The following TSC2 variants were observed in gnomAD, a reference collection of about 807,000 sequenced individuals.
The protein encoded by TSC2 is TSC complex subunit 2, also known as tuberin.
Under a neutral mutation model 202.2 loss-of-function variants are expected in TSC2, and 29 were observed. That is an observed-to-expected ratio of 0.14 (90% CI 0.11 to 0.20). The LOEUF (loss-of-function observed/expected upper bound fraction) is 0.20. TSC2 is among the 10% of genes least tolerant of loss of function. TSC2 has a pLI of 1.00. For synonymous variants in TSC2, 1,349 were observed against 1,044.0 expected (o/e 1.29, Z -5.63); for missense variants, 2,429 against 2,420.0 (o/e 1.00, Z -0.08).
chr16:2,050,249 G>A (rs970799259), intron 2 of TSC2, 151 bp from the exon 3 acceptor site: 15 of 794,140 alleles, frequency 1.9e-5, no homozygotes, highest in Non-Finnish European at 3.0e-5. Context: ...GAGCCACCGC[G>A]GCTCGTCAAG....
chr16:2,062,647 G>T (rs1294854882), intron 13 of TSC2, 47 bp downstream of exon 13: 3 of 1,551,328 alleles, frequency 1.9e-6, no homozygotes, highest in Admixed American at 1.9e-5. Context: ...GCCTGGCCCT[G>T]TCTCTGTCTG....
intron 14 of TSC2, 23 bp from the exon 15 acceptor site, chr16:2,064,249 T>G: frequency 6.2e-7 from 1 of 1,613,858 alleles, no homozygotes; most frequent in Non-Finnish European, 8.5e-7. Context: ...TGGCGCTCAT[T>G]GGCCTCCCTT....
intron 35 of TSC2, 36 bp downstream of exon 35, chr16:2,085,062 CTG>C (rs748863360): frequency 1.2e-6 from 2 of 1,608,432 alleles, no homozygotes; most frequent in South Asian, 2.2e-5. Flanking sequence ...TCCGCTGGAG[CTG>C]TGTGGCTCGG....
chr16:2,078,460 C>T (rs756737310), intron 26 of TSC2: 20 of 176,824 alleles, frequency 1.1e-4, no homozygotes, highest in Admixed American at 6.0e-4. Flanking sequence ...TAGAGGTGCT[C>T]GGTGAGGCTT....
At chr16:2,078,428 A>C (rs2089695819) in intron 26 of TSC2, 1 of 168,100 alleles carries the variant, frequency 5.9e-6, no homozygotes, top group Admixed American at 5.7e-5. Flanking sequence ...GCTGGGTGGG[A>C]CTTGGCCAGG....
intron 16 of TSC2, among the ~76,000 whole-genome samples, chr16:2,068,347 A>C (rs2087695219): frequency 6.6e-6 from 1 of 151,954 alleles, no homozygotes; most frequent in Non-Finnish European, 1.5e-5. Flanking sequence ...GCCTGTTTTC[A>C]TTTCTTTTGT....
chr16:2,088,514 C>T lies in TSC2; in HGVS notation c.5328C>T (p.Ala1776=), dbSNP rs757292336. 21 of 1,612,776 alleles carry T rather than the reference C, an allele frequency of 1.3e-5. No individual in the cohort carries two copies. Among genetic ancestry groups the T allele is most frequent in the South Asian group, 1.1e-4 (10 of 91,068 alleles). The stretch of plus-strand genomic sequence containing the variant: ...TGCACCCTCCGTCCCATAGCAAAGC[C>T]CCTGCACAGACTCCAGCCGAGCCCA... ...PLVHPPSHSK[A]PAQTPAEPTP... is the part of the protein sequence containing the mutation. Residue 1776 remains alanine, a synonymous_variant, in exon 42 of 42, where the codon GCC becomes GCT. Transcript: ENST00000219476.
chr16:2,071,039 G>A (rs568227383), intron 17 of TSC2, among the ~76,000 whole-genome samples: 26 of 152,024 alleles, frequency 1.7e-4, no homozygotes, highest in East Asian at 9.6e-4. Flanking sequence ...CTGAGTTTGC[G>A]CTATAGATGT....
intron 36 of TSC2, 121 bp from the exon 37 acceptor site, chr16:2,086,072 T>G (rs1596436191): frequency 8.6e-7 from 1 of 1,167,906 alleles, no homozygotes. Flanking sequence ...GAATGGATGG[T>G]CTTGTCTGCC....
intron 16 of TSC2, among the ~76,000 whole-genome samples, chr16:2,069,391 A>G (rs188239527): frequency 3.9e-5 from 6 of 151,944 alleles, no homozygotes; most frequent in African/African-American, 4.8e-5. Context: ...ATCTTGGTTC[A>G]CTGCAACCTC....
intron 15 of TSC2, chr16:2,065,102 A>G: frequency 5.1e-6 from 1 of 194,684 alleles, no homozygotes; most frequent in Non-Finnish European, 1.0e-5. Context: ...CGACAGAGCA[A>G]GACTCTGTCT....
intron 22 of TSC2, chr16:2,074,758 C>T (rs1596359184): frequency 2.7e-6 from 1 of 374,736 alleles, no homozygotes; most frequent in Non-Finnish European, 5.1e-6. Flanking sequence ...CTGTCCCTTC[C>T]CCTCACCGCC....
intron 3 of TSC2, among the ~76,000 whole-genome samples, chr16:2,052,179 T>C (rs1432048477): frequency 6.7e-6 from 1 of 148,802 alleles, no homozygotes; most frequent in Non-Finnish European, 1.5e-5. Flanking sequence ...TCCCGGGCCC[T>C]GTGTCCACGG....
At chr16:2,055,851 A>G (rs1355396068) in intron 6 of TSC2, 3 of 467,114 alleles carry the variant, frequency 6.4e-6, no homozygotes, top group African/African-American at 4.1e-5. Context: ...AGATCGTGCC[A>G]CTGCACTCCA....
At chr16:2,070,986 A>AT (rs199952543) in intron 17 of TSC2, among the ~76,000 whole-genome samples, 7,914 of 151,292 alleles carry the variant, frequency 0.052, 715 homozygotes, top group African/African-American at 0.18. Flanking sequence ...CAGAGCTGAG[A>AT]GGGCAGGGCA....
Position 2,053,345 on chromosome 16 carries a change from G to A in TSC2, c.229G>A (p.Ala77Thr), listed in dbSNP as rs777459404. ...VAKTKKFEEH[A>T]VEALWKAVAD... Reference sequence around the variant, plus strand: ...CTGTCCCCTCTGCTGGTGACAGCACGCAGTGGAAGCACTCTGGAAGGCGGT... The same window carrying A: ...CTGTCCCCTCTGCTGGTGACAGCACACAGTGGAAGCACTCTGGAAGGCGGT... Residue 77 changes from alanine to threonine, a missense_variant, in exon 4 of 42, where the codon GCA becomes ACA. By Grantham distance (58) the Ala-to-Thr change is moderately conservative. Coordinates refer to ENST00000219476, the MANE Select transcript of TSC2 (RefSeq NM_000548.5). The A allele has an allele frequency of 3.8e-6, 6 of 1,581,224 alleles. No individual in the cohort carries two copies. Among genetic ancestry groups the A allele is most frequent in the Admixed American group, 1.8e-5 (1 of 55,268 alleles).
chr16:2,049,573 C>T (rs976352591), intron 2 of TSC2, among the ~76,000 whole-genome samples: 36 of 151,772 alleles, frequency 2.4e-4, no homozygotes, highest in Non-Finnish European at 3.8e-4. Context: ...GCCTGTCATC[C>T]CAGCACTTTG....
intron 6 of TSC2, chr16:2,055,838 C>A (rs1038834693): frequency 2.3e-6 from 1 of 428,946 alleles, no homozygotes; most frequent in African/African-American, 2.3e-5. Context: ...TTGCAGTGAG[C>A]GGAGATCGTG....
At chr16:2,083,235 G>T (rs371968111) in intron 32 of TSC2, 2 of 461,110 alleles carry the variant, frequency 4.3e-6, no homozygotes, top group Non-Finnish European at 8.7e-6. Flanking sequence ...CCAGCTGTGG[G>T]TCTGGCTTGG....
Sources: gnomAD v4.1 joint callset for allele counts (sites outside exome capture counted in the v4.1 genomes callset) on GRCh38, gnomAD v4.1.1 for gene constraint, MANE v1.5 for transcripts, NCBI Gene and HGNC (gene_info 2026-07-23, HGNC 2026-07-21) for gene names.